The following KRI1 variants were observed in gnomAD, a reference collection of about 807,000 sequenced individuals.
KRI1 encodes the protein KRI1 homolog, also known as protein KRI1 homolog.
A neutral mutation model predicts 97.0 loss-of-function variants in KRI1; 83 were observed. That is an observed-to-expected ratio of 0.86 (90% CI 0.72 to 1.03). The LOEUF is 1.03. KRI1 is among the 50% of genes least tolerant of loss of function. The pLI, the probability that KRI1 is intolerant of heterozygous loss-of-function variation, is 0.00. For synonymous variants in KRI1, 371 were observed against 363.5 expected, an observed-to-expected ratio of 1.02 and a Z score of -0.23; for missense variants, 916 against 928.4, an observed-to-expected ratio of 0.99 and a Z score of 0.17.
rs772556589 is a variant in KRI1 at position 10,554,100 on chromosome 19, C to A, written c.1963G>T (p.Ala655Ser). 6.2e-7 allele frequency: 1 copy of A among 1,614,200 alleles called. No individual in the cohort carries two copies. Among genetic ancestry groups the A allele is most frequent in the Non-Finnish European group, 8.5e-7 (1 of 1,180,038 alleles). Residue 655 changes from alanine (A) to serine (S), a missense_variant, in exon 19 of 19, where the codon GCA becomes TCA. Physicochemically the swap from Ala to Ser is moderately conservative, Grantham distance 99. This residue lies in a region of KRI1 where 672 missense variants were observed against 667.2 expected (regional missense o/e 1.01). Transcript: ENST00000312962. The part of the protein sequence containing the change: ...APQKRRRAKK[A>S]RLLGPTVMLG... The stretch of plus-strand genomic sequence containing the variant: ...ATCACAGTGGGGCCCAGCAGCCGTG[C>A]CTTCTTGGCCCTCCTCCGCTTCTGG...
At chr19:10,561,642 G>A (rs1383629660) in intron 6 of KRI1, 25 bp downstream of exon 6, 3 of 1,612,682 alleles carry the variant, frequency 1.9e-6, no homozygotes, top group Non-Finnish European at 2.5e-6. Flanking sequence ...CCTCCATTGG[G>A]CCATTCCCGC....
At position 10,558,153 on chromosome 19, in the gene KRI1, G is replaced by C; in HGVS notation, c.1270+11C>G. Reference sequence around the variant, plus strand: ...CCCCAATCCCCAGCCCAGTGCCCCAGCTGATCTCACCTTCAAGCCCTTCTT... The same window carrying C: ...CCCCAATCCCCAGCCCAGTGCCCCACCTGATCTCACCTTCAAGCCCTTCTT... On this transcript the variant is annotated intron_variant, in intron 13 of 18. Coordinates refer to ENST00000312962, the MANE Select transcript of KRI1 (RefSeq NM_023008.5). The C allele has an allele frequency of 1.9e-6, 3 of 1,610,718 alleles. No homozygotes were observed. Among genetic ancestry groups the C allele is most frequent in the Non-Finnish European group, 2.5e-6 (3 of 1,176,952 alleles).
At position 10,555,079 on chromosome 19, in the gene KRI1, C is replaced by T; in HGVS notation, c.1781+8G>A. The T allele has an allele frequency of 6.2e-7, 1 of 1,612,824 alleles. No individual in the cohort carries two copies. The highest frequency in any genetic ancestry group is 8.5e-7 in the Non-Finnish European group (1 of 1,179,064). ...CCCACCCACGCTTCCCCAGCCAGCA[C>T]TGCTTACTCTTCTCGGCAGAGTGAC... On this transcript the variant is annotated splice_region_variant and intron_variant, in intron 18 of 18. Coordinates refer to ENST00000312962, the MANE Select transcript of KRI1 (RefSeq NM_023008.5).
intron 3 of KRI1, among the ~76,000 whole-genome samples, chr19:10,563,579 T>G (rs2144731850): frequency 6.6e-6 from 1 of 151,780 alleles, no homozygotes; most frequent in East Asian, 1.9e-4. Flanking sequence ...ACTCCTGACC[T>G]CAAGTGATCC....
chr19:10,554,880 C>T (rs1460597348), intron 18 of KRI1, among the ~76,000 whole-genome samples: 1 of 152,178 alleles, frequency 6.6e-6, no homozygotes, highest in Non-Finnish European at 1.5e-5. Context: ...CCGTCTCTAT[C>T]TCCATCTTAT....
chr19:10,554,476 T>C (rs1916430705), intron 18 of KRI1, among the ~76,000 whole-genome samples, 195 bp from the exon 19 acceptor site: 1 of 152,134 alleles, frequency 6.6e-6, no homozygotes, highest in Non-Finnish European at 1.5e-5. Flanking sequence ...AAAGACTAGA[T>C]TGTGAGGCTG....
chr19:10,560,881 ATG>A (rs1916670732), intron 8 of KRI1, 120 bp downstream of exon 8: 1 of 739,598 alleles, frequency 1.4e-6, no homozygotes, highest in Non-Finnish European at 2.3e-6. Flanking sequence ...ATTTAAAGAG[ATG>A]TAGGAGCTGA....
chr19:10,556,581 C>T (rs560676906), intron 16 of KRI1, among the ~76,000 whole-genome samples: 4 of 151,924 alleles, frequency 2.6e-5, no homozygotes, highest in African/African-American at 7.2e-5. Flanking sequence ...GCAGGAGAAT[C>T]ATTTGAACCT....
Position 10,562,709 on chromosome 19 carries a change from G to A in KRI1, c.383+20C>T, listed in dbSNP as rs200429437. On this transcript the variant is annotated intron_variant, in intron 4 of 18. Transcript: ENST00000312962. ...ACAGGGCTGGGAACCAGGGGGTGGG[G>A]ATGTAGGCCTTCTCCATACCCTGCC... 132 of 1,344,914 alleles carry A rather than the reference G, an allele frequency of 9.8e-5. No homozygotes were observed. The East Asian group carries it at 2.7e-3, about 28-fold the overall frequency. 83.3% of individuals were successfully genotyped at this position (1,344,914 alleles called of 1,614,324 possible).
chr19:10,565,013 G>A lies in KRI1; in HGVS notation c.190C>T (p.Arg64Trp). 1.2e-6 allele frequency: 2 copies of A among 1,612,782 alleles called. No individual in the cohort carries two copies. The highest frequency in any genetic ancestry group is 1.7e-4 in the Middle Eastern group (1 of 6,026). ...ERVEFDPQQERDFYKTLSLLK... is the reference protein window; with the variant it reads ...ERVEFDPQQEWDFYKTLSLLK... ...AAGGAGAGCGTTTTGTAAAAGTCCC[G>A]CTCCTGCTGGGGATCAAATTCCTAG... The change falls in exon 3 of 19, where the codon CGG becomes TGG. Residue 64 changes from arginine to tryptophan, a missense_variant. Transcript: ENST00000312962.
chr19:10,563,882 G>A (rs10412541), intron 3 of KRI1, among the ~76,000 whole-genome samples: 60,812 of 151,760 alleles, frequency 0.4, 13,019 homozygotes, highest in Non-Finnish European at 0.49. Flanking sequence ...AGTGGCTCAC[G>A]CCTGTAATCC....
rs746469131 is a variant in KRI1 at position 10,555,209 on chromosome 19, G to A, written c.1683-24C>T. ...ACCTGCAGACAGATGCCCCTGTGTTGGGTGCTCTGGGAAGTGCCCGAGGCT... is the reference window on the plus strand; with the variant it reads ...ACCTGCAGACAGATGCCCCTGTGTTAGGTGCTCTGGGAAGTGCCCGAGGCT... On this transcript the variant is annotated intron_variant, in intron 17 of 18. Coordinates refer to ENST00000312962, the MANE Select transcript of KRI1 (RefSeq NM_023008.5). 10 of 1,613,580 alleles carry A rather than the reference G, an allele frequency of 6.2e-6. No homozygotes were observed. The Admixed American group carries it at 1.5e-4, about 24-fold the overall frequency.
chr19:10,558,298 C>T, intron 12 of KRI1, 59 bp from the exon 13 acceptor site: 2 of 1,541,508 alleles, frequency 1.3e-6, no homozygotes, highest in Non-Finnish European at 1.8e-6. Flanking sequence ...GCTGAGCCCC[C>T]TACGATGCCG....
At chr19:10,565,061 G>A (rs368581731) in intron 2 of KRI1, 27 bp from the exon 3 acceptor site, 2 of 1,446,034 alleles carry the variant, frequency 1.4e-6, no homozygotes, top group East Asian at 4.5e-5. Flanking sequence ...GTTGGGGATA[G>A]ATTTCAGAAG....
chr19:10,565,257 G>A (rs1451364823), intron 2 of KRI1: 2 of 579,426 alleles, frequency 3.5e-6, no homozygotes. Flanking sequence ...TGAGGGGCAA[G>A]GAGAAGGTAA....
Position 10,561,168 on chromosome 19 carries a change from C to T in KRI1, c.585+1G>A, listed in dbSNP as rs1428427604. 5.6e-6 allele frequency: 9 copies of T among 1,614,128 alleles called. No homozygotes were observed. Among genetic ancestry groups the T allele is most frequent in the Non-Finnish European group, 6.8e-6 (8 of 1,179,988 alleles). ...CAGTCCAGTCAGGCCCCAGTACCCA[C>T]CTTCTCCTGCCTGGTTTTGGCACGT... On this transcript the variant is annotated splice_donor_variant, in intron 7 of 18. Transcript: ENST00000312962. LOFTEE classifies it high-confidence loss of function.
rs773154370 is a variant in KRI1 at position 10,559,416 on chromosome 19, G to A, written c.1137C>T (p.Leu379=). The A allele has an allele frequency of 1.5e-5, 25 of 1,613,908 alleles. No individual in the cohort carries two copies. The highest frequency in any genetic ancestry group is 2.7e-5 in the African/African-American group (2 of 74,896). ...AGTCGTCTTCAAGGTCCCCCTCCTCGAGGCCCAGCATCTCGTTGCCTGTTA... is the reference window on the plus strand; with the variant it reads ...AGTCGTCTTCAAGGTCCCCCTCCTCAAGGCCCAGCATCTCGTTGCCTGTTA... The part of the protein sequence containing the change: ...RKVTGNEMLG[L]EEGDLEDDFD... The change falls in exon 12 of 19, where the codon CTC becomes CTT. Residue 379 remains leucine (L), a synonymous_variant. Coordinates refer to ENST00000312962, the MANE Select transcript of KRI1 (RefSeq NM_023008.5).
Position 10,565,817 on chromosome 19 carries a change from C to CT in KRI1, c.95-28_95-27insA, listed in dbSNP as rs1555750212. The CT allele has an allele frequency of 2.6e-6, 4 of 1,552,660 alleles. No individual in the cohort carries two copies. In the African/African-American group the frequency reaches 5.6e-5, roughly 22 times the overall value. ...TGCGGGACACAGACGGGATGCCCCC[C>CT]CCCAGGTCAGCCGGCGGGGCCACTC... On this transcript the variant is annotated intron_variant, in intron 1 of 18. Transcript: ENST00000312962.
intron 16 of KRI1, among the ~76,000 whole-genome samples, chr19:10,556,230 C>T (rs1182261990): frequency 6.6e-6 from 1 of 152,118 alleles, no homozygotes; most frequent in Non-Finnish European, 1.5e-5. Flanking sequence ...CTATGTTGCT[C>T]AGGTTAGTCT....
Sources: gnomAD v4.1 joint callset for allele counts (sites outside exome capture counted in the v4.1 genomes callset) on GRCh38, gnomAD v4.1.1 for gene constraint, gnomAD v4.1.1 regional missense constraint, MANE v1.5 for transcripts, NCBI Gene and HGNC (gene_info 2026-07-23, HGNC 2026-07-21) for gene names.